PCDHGB1: variants seen among roughly 807,000 people sequenced by gnomAD.
PCDHGB1 encodes protocadherin gamma subfamily B, 1, also known as protocadherin gamma-B1.
PCDHGB1 carries 34 observed loss-of-function variants against 56.6 expected under a neutral mutation model. The observed-to-expected ratio is 0.60, with a 90% CI of 0.46 to 0.80. The LOEUF (loss-of-function observed/expected upper bound fraction) is 0.80, where lower values mean the gene tolerates loss of function less well. Among genes scored for constraint, PCDHGB1 ranks in the 30% least tolerant of loss-of-function variants. The pLI, the probability that PCDHGB1 is intolerant of heterozygous loss-of-function variation, is 0.00. For missense variants in PCDHGB1, 1,278 were observed against 1,204.6 expected (o/e 1.06, Z -0.90); for synonymous variants, 561 against 505.9 (o/e 1.11, Z -1.46).
At chr5:141,375,126 T>C (rs752210240) in intron 1 of PCDHGB1, 10 of 1,613,870 alleles carry the variant, frequency 6.2e-6, no homozygotes, top group African/African-American at 2.7e-5. Flanking sequence ...CCAGAAGTGG[T>C]TGTTACATCT....
intron 1 of PCDHGB1, among the ~76,000 whole-genome samples, chr5:141,402,517 G>A (rs2094277430): frequency 6.6e-6 from 1 of 152,024 alleles, no homozygotes; most frequent in African/African-American, 2.4e-5. Context: ...ATTAAGCAAT[G>A]GTTTGTGATT....
intron 1 of PCDHGB1, among the ~76,000 whole-genome samples, chr5:141,382,009 A>G (rs1219907347): frequency 6.6e-6 from 1 of 151,376 alleles, no homozygotes; most frequent in African/African-American, 2.4e-5. Flanking sequence ...TTGTATTTTT[A>G]GTAGAGACGG....
intron 1 of PCDHGB1, chr5:141,365,491 T>C (rs1421150605): frequency 1.9e-6 from 3 of 1,614,014 alleles, no homozygotes; most frequent in Non-Finnish European, 2.5e-6. Flanking sequence ...GCTCTATTCC[T>C]AGGAATTTGC....
At chr5:141,364,328 G>A in intron 1 of PCDHGB1, 1 of 1,530,786 alleles carries the variant, frequency 6.5e-7, no homozygotes. Context: ...CAGAGAGAAG[G>A]CAATGGCGAG....
intron 1 of PCDHGB1, chr5:141,388,423 TGATA>T: frequency 2.5e-6 from 4 of 1,613,948 alleles, no homozygotes; most frequent in Non-Finnish European, 3.4e-6. Flanking sequence ...CATTTCTCAC[TGATA>T]AATAAAGAGA....
intron 1 of PCDHGB1, among the ~76,000 whole-genome samples, chr5:141,381,312 A>G (rs1365514844): frequency 1.3e-5 from 2 of 152,240 alleles, no homozygotes; most frequent in African/African-American, 4.8e-5. Flanking sequence ...ATTCTCTTTT[A>G]TTCTGCAACT....
At position 141,351,310 on chromosome 5, in the gene PCDHGB1, C is replaced by T; in HGVS notation, c.1050C>T (p.Asn350=). 1.2e-6 allele frequency: 2 copies of T among 1,613,816 alleles called. No individual in the cohort carries two copies. The highest frequency in any genetic ancestry group is 1.7e-6 in the Non-Finnish European group (2 of 1,179,804). The change falls in exon 1 of 4, where the codon AAC becomes AAT. Residue 350 remains asparagine, a synonymous_variant. Coordinates refer to ENST00000523390, the MANE Select transcript of PCDHGB1 (RefSeq NM_018922.3). ...APEVTFMSFS[N]QIPEDSDLGT... ...AGGTGACATTCATGTCCTTCTCTAA[C>T]CAGATTCCAGAGGATTCAGACCTTG...
At chr5:141,355,865 G>C in intron 1 of PCDHGB1, 1 of 1,612,652 alleles carries the variant, frequency 6.2e-7, no homozygotes, top group Non-Finnish European at 8.5e-7. Flanking sequence ...GACCCGGTTC[G>C]CTCTGGCACT....
intron 2 of PCDHGB1, 79 bp downstream of exon 2, chr5:141,494,944 C>T: frequency 1.9e-6 from 3 of 1,609,850 alleles, no homozygotes; most frequent in Non-Finnish European, 2.5e-6. Context: ...TGGGGGAGGG[C>T]CCAGCATTTG....
At chr5:141,383,723 G>A in intron 1 of PCDHGB1, 1 of 1,613,946 alleles carries the variant, frequency 6.2e-7, no homozygotes. Context: ...GGAGTCAATG[G>A]GGAAGTGACA....
At chr5:141,399,002 C>G in intron 1 of PCDHGB1, 6 of 1,613,830 alleles carry the variant, frequency 3.7e-6, no homozygotes, top group Non-Finnish European at 4.2e-6. Context: ...AGTCTGAATT[C>G]AAAGAGCGGA....
chr5:141,461,961 T>C (rs914134151), intron 1 of PCDHGB1, among the ~76,000 whole-genome samples: 3 of 152,192 alleles, frequency 2.0e-5, no homozygotes, highest in African/African-American at 7.2e-5. Context: ...GTAGCTGGGA[T>C]TCCAGGCATA....
chr5:141,474,022 A>G (rs929139769), intron 1 of PCDHGB1, among the ~76,000 whole-genome samples: 1 of 152,160 alleles, frequency 6.6e-6, no homozygotes, highest in African/African-American at 2.4e-5. Flanking sequence ...GTGAGCTATG[A>G]TTATTCCACT....
At chr5:141,355,075 T>G in intron 1 of PCDHGB1, 2 of 1,395,680 alleles carry the variant, frequency 1.4e-6, no homozygotes, top group Non-Finnish European at 1.9e-6. Flanking sequence ...TTATGAAAGC[T>G]TCAAGCGGAA....
chr5:141,403,341 C>T (rs1279947533), intron 1 of PCDHGB1: 1 of 1,613,988 alleles, frequency 6.2e-7, no homozygotes, highest in Non-Finnish European at 8.5e-7. Flanking sequence ...AACGACAGCG[C>T]CCCAAAGTTC....
At chr5:141,427,115 C>G (rs1276437779) in intron 1 of PCDHGB1, 5 of 457,520 alleles carry the variant, frequency 1.1e-5, no homozygotes, top group African/African-American at 1.0e-4. Flanking sequence ...AGATCACCTA[C>G]TCTTTCAAAT....
intron 1 of PCDHGB1, among the ~76,000 whole-genome samples, chr5:141,406,607 C>T (rs1289606470): frequency 6.6e-6 from 1 of 152,202 alleles, no homozygotes; most frequent in Non-Finnish European, 1.5e-5. Flanking sequence ...AAAGTTGTCA[C>T]ATCTTTTATT....
At chr5:141,499,553 A>T (rs1215178587) in intron 2 of PCDHGB1, among the ~76,000 whole-genome samples, 3 of 152,206 alleles carry the variant, frequency 2.0e-5, no homozygotes, top group African/African-American at 4.8e-5. Context: ...CCTGTATGAT[A>T]CCACTATCCA....
intron 1 of PCDHGB1, chr5:141,398,937 C>G: frequency 6.2e-7 from 1 of 1,613,902 alleles, no homozygotes; most frequent in Non-Finnish European, 8.5e-7. Context: ...CTGACCAAGA[C>G]GAGGGCATCA....
Sources: allele counts gnomAD v4.1 joint callset (sites outside exome capture counted in the v4.1 genomes callset), GRCh38; gene constraint gnomAD v4.1.1; transcripts MANE v1.5; gene names NCBI Gene and HGNC (gene_info 2026-07-23, HGNC 2026-07-21).